Variants in NECTIN3 observed in about 807,000 individuals in gnomAD.
NECTIN3 encodes the protein nectin-3.
Under a neutral mutation model 49.4 loss-of-function variants are expected in NECTIN3, and 8 were observed. That is an observed-to-expected ratio of 0.16 (90% CI 0.10 to 0.29). The LOEUF (loss-of-function observed/expected upper bound fraction) is 0.29, where lower values mean the gene tolerates loss of function less well. NECTIN3 is among the 10% of genes least tolerant of loss of function. The pLI is 1.00. For missense variants in NECTIN3, 581 were observed against 654.6 expected (o/e 0.89, Z 1.23); for synonymous variants, 277 against 241.1 (o/e 1.15, Z -1.38).
intron 5 of NECTIN3, among the ~76,000 whole-genome samples, chr3:111,128,080 G>A (rs1440276988): frequency 6.6e-6 from 1 of 152,162 alleles, no homozygotes; most frequent in East Asian, 1.9e-4. Flanking sequence ...GCTCACACCT[G>A]TAATCCCAGC....
downstream of NECTIN3, among the ~76,000 whole-genome samples, chr3:111,138,408 T>C (rs1490687883): frequency 6.6e-6 from 1 of 151,550 alleles, no homozygotes; most frequent in Non-Finnish European, 1.5e-5. Context: ...TAAAAATGCT[T>C]TTCTGTTTAT....
chr3:111,100,782 C>G (rs1169051307), intron 1 of NECTIN3, among the ~76,000 whole-genome samples: 1 of 147,532 alleles, frequency 6.8e-6, no homozygotes, highest in Non-Finnish European at 1.5e-5. Context: ...AACAGTTTCA[C>G]AGGTTGAAGT....
downstream of NECTIN3, among the ~76,000 whole-genome samples, chr3:111,141,718 C>G (rs1263888776): frequency 1.3e-5 from 2 of 151,756 alleles, no homozygotes; most frequent in African/African-American, 4.8e-5. Flanking sequence ...GCAAGCTGGT[C>G]TTTTTTTAGA....
intron 1 of NECTIN3, among the ~76,000 whole-genome samples, chr3:111,078,995 A>G (rs1343561194): frequency 6.6e-6 from 1 of 152,162 alleles, no homozygotes; most frequent in East Asian, 1.9e-4. Context: ...TTGTAATGGA[A>G]GTATGCTAAT....
intron 1 of NECTIN3, among the ~76,000 whole-genome samples, chr3:111,079,213 G>A (rs539371931): frequency 7.4e-4 from 113 of 152,026 alleles, no homozygotes; most frequent in Non-Finnish European, 1.3e-3. Context: ...GAAAATCTTA[G>A]GCCCTAGTTT....
At chr3:111,157,432 C>A (rs1427155515) in intron 7 of NECTIN3, among the ~76,000 whole-genome samples, 1 of 152,064 alleles carries the variant, frequency 6.6e-6, no homozygotes, top group Non-Finnish European at 1.5e-5. Flanking sequence ...AGCTTGAGTT[C>A]ATTTAACATT....
chr3:111,185,164 A>G (rs963155780), intron 7 of NECTIN3, among the ~76,000 whole-genome samples: 1 of 152,138 alleles, frequency 6.6e-6, no homozygotes, highest in Non-Finnish European at 1.5e-5. Flanking sequence ...TGTCTTCTTC[A>G]GGACCCTGTT....
chr3:111,147,457 A>G, exon 7 of NECTIN3: 1 of 1,531,966 alleles, frequency 6.5e-7, no homozygotes, highest in Non-Finnish European at 8.7e-7. Flanking sequence ...AACGATCCCC[A>G]CCTTTGCCTC....
At chr3:111,175,947 T>G (rs1339479875) in intron 7 of NECTIN3, among the ~76,000 whole-genome samples, 1 of 152,212 alleles carries the variant, frequency 6.6e-6, no homozygotes, top group African/African-American at 2.4e-5. Flanking sequence ...AAGTCTACAT[T>G]TAGTTATTTG....
At chr3:111,128,290 T>C (rs947206751) in intron 5 of NECTIN3, among the ~76,000 whole-genome samples, 1 of 149,418 alleles carries the variant, frequency 6.7e-6, no homozygotes, top group Non-Finnish European at 1.5e-5. Context: ...TGAGCCCAGA[T>C]CGTGCCATGG....
chr3:111,181,330 A>G (rs1349797102), intron 7 of NECTIN3, among the ~76,000 whole-genome samples: 1 of 152,130 alleles, frequency 6.6e-6, no homozygotes, highest in African/African-American at 2.4e-5. Context: ...GTCCTATTTT[A>G]TGAGTATACT....
At chr3:111,176,769 G>A (rs1171807379) in intron 7 of NECTIN3, among the ~76,000 whole-genome samples, 1 of 151,896 alleles carries the variant, frequency 6.6e-6, no homozygotes, top group Non-Finnish European at 1.5e-5. Context: ...AGATAACTTA[G>A]AAGGCTTCTA....
At position 111,136,366 on chromosome 3, in the gene NECTIN3, C is replaced by G. The variant is rs928091275; in HGVS notation, c.*2151C>G. Reference sequence around the variant, plus strand: ...TGCGATTAGGTTTTTTTGTTTGTTTCTTTTGTGTTTGTTTGGCGGGAGAGG... The same window carrying G: ...TGCGATTAGGTTTTTTTGTTTGTTTGTTTTGTGTTTGTTTGGCGGGAGAGG... On this transcript the variant is annotated 3_prime_UTR_variant, in exon 6 of 6. Transcript: ENST00000485303. 15 of 984,368 alleles carry G rather than the reference C, an allele frequency of 1.5e-5. No individual in the cohort carries two copies. Among genetic ancestry groups the G allele is most frequent in the Non-Finnish European group, 1.8e-5 (15 of 829,362 alleles). The allele number at this position is 984,368 out of a possible 1,614,324, so 61.0% of individuals were successfully genotyped here. A position where few individuals can be genotyped will look rare whatever the true frequency, so the allele number is the denominator to read the frequency against.
intron 7 of NECTIN3, among the ~76,000 whole-genome samples, chr3:111,183,351 G>A (rs1167100142): frequency 7.2e-6 from 1 of 138,060 alleles, no homozygotes; most frequent in Non-Finnish European, 1.6e-5. Context: ...CATTCTTGTT[G>A]CCCAGGCTGG....
chr3:111,184,736 T>C (rs1335385796), intron 7 of NECTIN3, among the ~76,000 whole-genome samples: 2 of 152,242 alleles, frequency 1.3e-5, no homozygotes, highest in East Asian at 3.8e-4. Context: ...TGTTATGTTT[T>C]CAATTGTTTG....
At chr3:111,147,585 A>G in intron 7 of NECTIN3, 1 of 1,020,870 alleles carries the variant, frequency 9.8e-7, no homozygotes, top group Non-Finnish European at 1.4e-6. Flanking sequence ...GTCATTATGC[A>G]TTAAGTGTTG....
intron 7 of NECTIN3, among the ~76,000 whole-genome samples, chr3:111,169,232 GGCGCCTGCCA>G (rs1255390463): frequency 1.3e-5 from 2 of 151,648 alleles, no homozygotes; most frequent in African/African-American, 4.8e-5. Context: ...TGGGACTACA[GGCGCCTGCCA>G]CCACGCCTGG....
chr3:111,148,436 C>G (rs73854912), intron 7 of NECTIN3, among the ~76,000 whole-genome samples: 4,975 of 152,208 alleles, frequency 0.033, 94 homozygotes, highest in Middle Eastern at 0.058. Context: ...TGAAGATGTG[C>G]CATGTTTTCA....
chr3:111,139,385 ATTTG>A (rs2034683740), downstream of NECTIN3, among the ~76,000 whole-genome samples: 1 of 151,614 alleles, frequency 6.6e-6, no homozygotes. Flanking sequence ...AAACTGCTTC[ATTTG>A]TTCTAAATTT....
Sources: allele counts gnomAD v4.1 joint callset (sites outside exome capture counted in the v4.1 genomes callset), GRCh38; gene constraint gnomAD v4.1.1; transcripts MANE v1.5; gene names NCBI Gene and HGNC (gene_info 2026-07-23, HGNC 2026-07-21).